Variants in ZXDC observed in about 807,000 individuals in gnomAD.
The protein encoded by ZXDC is ZXD family zinc finger C, also known as zinc finger protein ZXDC.
ZXDC carries 58 observed loss-of-function variants against 63.6 expected under a neutral mutation model. The observed-to-expected ratio is 0.91, with a 90% CI of 0.74 to 1.13. The LOEUF is 1.13. Among genes scored for constraint, ZXDC ranks in the 50% most tolerant of loss-of-function variants. ZXDC has a pLI of 0.00. For synonymous variants in ZXDC, 561 were observed against 496.1 expected (o/e 1.13, Z -1.74); for missense variants, 1,133 against 1,148.9 (o/e 0.99, Z 0.20).
At chr3:126,466,128 C>T in intron 5 of ZXDC, 27 bp downstream of exon 5, 1 of 1,596,526 alleles carries the variant, frequency 6.3e-7, no homozygotes, top group Non-Finnish European at 8.5e-7. Context: ...GAAGCAGCTC[C>T]CCATGGGGGC....
chr3:126,462,494 G>C (rs923314597), intron 5 of ZXDC, among the ~76,000 whole-genome samples: 2 of 152,166 alleles, frequency 1.3e-5, no homozygotes, highest in African/African-American at 2.4e-5. Flanking sequence ...TTCTCCAGGG[G>C]AAACAACTGG....
chr3:126,444,311 TTA>T, intron 7 of ZXDC, among the ~76,000 whole-genome samples: 1 of 152,162 alleles, frequency 6.6e-6, no homozygotes, highest in Non-Finnish European at 1.5e-5. Flanking sequence ...GGCGGGCAGA[TTA>T]CAAGGTCAGG....
In ZXDC at chr3:126,459,658, T is replaced by C; in HGVS notation, c.2207A>G (p.Asn736Ser). Residue 736 changes from asparagine (N) to serine (S), a missense_variant, in exon 7 of 10, where the codon AAT becomes AGT. Transcript: ENST00000389709. Reference sequence around the variant, plus strand: ...TGCAGCACACACGGCCTCACCTGCATTGCTCCCCGCTCCTCTCTGCTTTTT... The same window carrying C: ...TGCAGCACACACGGCCTCACCTGCACTGCTCCCCGCTCCTCTCTGCTTTTT... ...KEKKQRGAGS[N>S]AGASQSTQRK... 1 of 1,614,196 alleles carries C rather than the reference T, an allele frequency of 6.2e-7. No individual in the cohort carries two copies. The highest frequency in any genetic ancestry group is 8.5e-7 in the Non-Finnish European group (1 of 1,180,032).
chr3:126,454,775 G>A (rs986414025), intron 7 of ZXDC: 19 of 985,262 alleles, frequency 1.9e-5, no homozygotes, highest in African/African-American at 3.5e-5. Context: ...AGCTGTTCAC[G>A]TTTTTAAGCT....
At chr3:126,440,428 C>A (rs763545557) in intron 8 of ZXDC, 16 of 985,364 alleles carry the variant, frequency 1.6e-5, no homozygotes, top group Non-Finnish European at 1.9e-5. Flanking sequence ...CTTAAGTAAC[C>A]AAGACTACGC....
chr3:126,475,588 G>A lies in ZXDC; in HGVS notation c.278C>T (p.Ser93Leu). The A allele has an allele frequency of 1.4e-6, 2 of 1,461,412 alleles. No individual in the cohort carries two copies. Among genetic ancestry groups the A allele is most frequent in the African/African-American group, 1.5e-5 (1 of 68,430 alleles). The allele number at this position is 1,461,412 out of a possible 1,614,324, so 90.5% of individuals were successfully genotyped here. The change falls in exon 1 of 10, where the codon TCA (serine) becomes TTA (leucine). Residue 93 changes from serine to leucine, a missense_variant. Transcript: ENST00000389709. ...ACGGGAGCCAGGCTCGGCCTCCTGT[G>A]ATCCGGCAGCCTCGGCGGCAGCGCC... is the stretch of plus-strand genomic sequence containing the variant. Reference protein sequence around the residue: ...HGGAAAEAAGSQEAEPGSRVN... With the variant: ...HGGAAAEAAGLQEAEPGSRVN...
chr3:126,455,883 C>T (rs1934286558), intron 7 of ZXDC, among the ~76,000 whole-genome samples: 2 of 152,016 alleles, frequency 1.3e-5, no homozygotes, highest in Non-Finnish European at 2.9e-5. Flanking sequence ...GCCTGTAGTC[C>T]CAGCTACTCG....
chr3:126,457,813 G>A (rs1934365088), intron 7 of ZXDC: 2 of 319,648 alleles, frequency 6.3e-6, no homozygotes, highest in Non-Finnish European at 9.0e-6. Context: ...GAGGCTGGGG[G>A]TCTCCTGCAA....
chr3:126,448,639 C>A (rs1195588752), intron 7 of ZXDC, among the ~76,000 whole-genome samples: 2 of 152,222 alleles, frequency 1.3e-5, no homozygotes, highest in African/African-American at 2.4e-5. Flanking sequence ...GGGGCTGCCA[C>A]CCCTAGGGCT....
intron 5 of ZXDC, among the ~76,000 whole-genome samples, chr3:126,464,020 T>C (rs534496002): frequency 2.0e-5 from 3 of 152,280 alleles, no homozygotes; most frequent in Middle Eastern, 3.4e-3. Flanking sequence ...TTTGGAGAAA[T>C]TAAAAATGGA....
At chr3:126,469,808 T>A (rs934318491) in intron 4 of ZXDC, among the ~76,000 whole-genome samples, 11 of 152,378 alleles carry the variant, frequency 7.2e-5, no homozygotes, top group Admixed American at 6.5e-4. Flanking sequence ...TGTTCCCCTG[T>A]CTGCACCTCC....
chr3:126,438,602 C>G (rs1391101475), intron 9 of ZXDC, 141 bp from the exon 10 acceptor site: 7 of 668,678 alleles, frequency 1.0e-5, no homozygotes, highest in Non-Finnish European at 1.8e-5. Context: ...TCCCCTTATT[C>G]TAAACACATG....
rs113388340 is a variant in ZXDC, at chr3:126,444,328, C to G, written c.2213-2382G>C. 4.9e-3 allele frequency among the ~76,000 whole-genome samples: 745 copies of G among 152,212 alleles called. 6 individuals carry two copies. Among genetic ancestry groups the G allele is most frequent in the African/African-American group, 0.017 (705 of 41,536 alleles). On this transcript the variant is annotated intron_variant, in intron 7 of 9. Transcript: ENST00000389709. ...CGGGCAGATTACAAGGTCAGGAGAT[C>G]GAGACCATCCTGGCTAACACGGTGA...
At chr3:126,452,634 C>G in intron 7 of ZXDC, 1 of 896,064 alleles carries the variant, frequency 1.1e-6, no homozygotes, top group Non-Finnish European at 1.3e-6. Flanking sequence ...TCTGATTAAG[C>G]TCCATTTGGT....
intron 7 of ZXDC, chr3:126,459,101 C>G: frequency 1.0e-6 from 1 of 985,424 alleles, no homozygotes; most frequent in Non-Finnish European, 1.2e-6. Context: ...GCACTACATC[C>G]CACTATTCCA....
At chr3:126,462,685 C>T (rs1194633476) in intron 5 of ZXDC, among the ~76,000 whole-genome samples, 1 of 152,160 alleles carries the variant, frequency 6.6e-6, no homozygotes, top group Admixed American at 6.5e-5. Flanking sequence ...CTGGCCTGTG[C>T]TCTGAGGATA....
chr3:126,473,525 C>A (rs966461169), intron 1 of ZXDC, among the ~76,000 whole-genome samples: 3 of 152,168 alleles, frequency 2.0e-5, no homozygotes, highest in Non-Finnish European at 2.9e-5. Context: ...GATCCCTGAC[C>A]TTCCCAGTGT....
chr3:126,450,001 A>G (rs1203264060), intron 7 of ZXDC, among the ~76,000 whole-genome samples: 1 of 152,194 alleles, frequency 6.6e-6, no homozygotes, highest in East Asian at 1.9e-4. Flanking sequence ...CTGGGGTCAC[A>G]CCCACTTCTG....
chr3:126,440,211 C>T (rs1373341083), intron 8 of ZXDC: 2 of 998,154 alleles, frequency 2.0e-6, no homozygotes, highest in Non-Finnish European at 2.4e-6. Flanking sequence ...CTGCCAGGCC[C>T]CTCACAGTCC....
Sources: allele counts gnomAD v4.1 joint callset (sites outside exome capture counted in the v4.1 genomes callset), GRCh38; gene constraint gnomAD v4.1.1; transcripts MANE v1.5; gene names NCBI Gene and HGNC (gene_info 2026-07-23, HGNC 2026-07-21).